DMD: variants seen among roughly 807,000 people sequenced by gnomAD.
DMD encodes the protein dystrophin.
In DMD, 63 loss-of-function variants were observed where a neutral mutation model predicts 330.1. The ratio of observed to expected loss-of-function variants is 0.19; its 90% CI spans 0.16 to 0.24. The LOEUF (loss-of-function observed/expected upper bound fraction) is 0.24, where lower values mean the gene tolerates loss of function less well. Ranked by LOEUF, DMD falls within the 10% of genes least tolerant of loss-of-function variation. The pLI, the probability that DMD is intolerant of heterozygous loss-of-function variation, is 1.00. For missense variants in DMD, 3,344 were observed against 2,684.1 expected, an observed-to-expected ratio of 1.25 and a Z score of -5.43; for synonymous variants, 1,223 against 959.8, an observed-to-expected ratio of 1.27 and a Z score of -5.07.
intron 44 of DMD, among the ~76,000 whole-genome samples, chrX:32,182,995 G>A (rs765791282): frequency 8.1e-5 from 9 of 110,774 alleles, no homozygotes; most frequent in Non-Finnish European, 1.1e-4. Context: ...ACATATCTTT[G>A]AATCTCTACA....
chrX:32,545,137 T>C (rs144145732), intron 17 of DMD, 22 bp downstream of exon 17: 86 of 1,199,088 alleles, frequency 7.2e-5, no homozygotes, highest in African/African-American at 1.1e-4. Context: ...CATTTGCAGA[T>C]AAAAGCTTAA....
In DMD at chrX:32,741,338, G is replaced by A. The variant is rs186149992; in HGVS notation, c.650-42045C>T. Among the ~76,000 whole-genome samples the A allele has an allele frequency of 4.7e-3, 519 of 111,563 alleles. 2 individuals carry two copies. Among genetic ancestry groups the A allele is most frequent in the African/African-American group, 0.015 (462 of 30,725 alleles). ...CCTAAACATGTACAATTAGCCTCCA[G>A]ATGTTCACACATCTGCAATATATTT... On this transcript the variant is annotated intron_variant, in intron 7 of 78. Coordinates refer to ENST00000357033, the MANE Select transcript of DMD (RefSeq NM_004006.3).
chrX:32,533,681 G>C (rs2047686168), intron 17 of DMD, among the ~76,000 whole-genome samples: 1 of 112,164 alleles, frequency 8.9e-6, no homozygotes, highest in African/African-American at 3.2e-5. Flanking sequence ...TTAGATATTA[G>C]TTGAGTGAAT....
In DMD at chrX:31,456,578, G is replaced by A. The variant is rs775285551; in HGVS notation, c.8938-11951C>T. 9.8e-5 allele frequency among the ~76,000 whole-genome samples: 11 copies of A among 111,780 alleles called. No homozygotes were observed. In the Admixed American group the frequency reaches 1.0e-3, roughly 11 times the overall value. On this transcript the variant is annotated intron_variant, in intron 59 of 78. Transcript: ENST00000357033. ...AACTTGAACAAAGGGTAAGAGGTAGGAAAGTTTAATGTGTGTCTGAGGAAA... is the reference window on the plus strand; with the variant it reads ...AACTTGAACAAAGGGTAAGAGGTAGAAAAGTTTAATGTGTGTCTGAGGAAA...
chrX:31,322,330 A>G (rs930377789), intron 62 of DMD, among the ~76,000 whole-genome samples: 1 of 112,039 alleles, frequency 8.9e-6, no homozygotes, highest in Non-Finnish European at 1.9e-5. Context: ...GTGCATGTCT[A>G]CAGCAATATA....
At chrX:32,857,856 C>T (rs773329283) in intron 2 of DMD, among the ~76,000 whole-genome samples, 1 of 111,205 alleles carries the variant, frequency 9.0e-6, no homozygotes, top group Non-Finnish European at 1.9e-5. Flanking sequence ...CAGAATCTTG[C>T]TTTGTGGGCC....
At chrX:31,998,227 A>T (rs2095602747) in intron 44 of DMD, among the ~76,000 whole-genome samples, 1 of 112,295 alleles carries the variant, frequency 8.9e-6, no homozygotes, top group South Asian at 3.6e-4. Context: ...CACAAAAACT[A>T]TCAGTTCCTT....
intron 1 of DMD, among the ~76,000 whole-genome samples, chrX:33,225,130 T>C (rs2052262745): frequency 9.0e-6 from 1 of 111,504 alleles, no homozygotes; most frequent in South Asian, 3.8e-4. Context: ...ACCCAAACTG[T>C]TACACAGTTT....
intron 51 of DMD, among the ~76,000 whole-genome samples, chrX:31,759,781 T>C (rs890013766): frequency 8.9e-6 from 1 of 112,043 alleles, no homozygotes; most frequent in Non-Finnish European, 1.9e-5. Context: ...GAATGGCTGC[T>C]TGGACCCTGG....
intron 18 of DMD, among the ~76,000 whole-genome samples, chrX:32,514,022 C>A (rs2045599719): frequency 9.0e-6 from 1 of 111,211 alleles, no homozygotes; most frequent in South Asian, 3.8e-4. Flanking sequence ...TATTCACATG[C>A]ATGTTTATAG....
chrX:32,583,651 T>C (rs1225949486), intron 13 of DMD: 1 of 111,660 alleles, frequency 9.0e-6, no homozygotes, highest in Non-Finnish European at 1.9e-5. Context: ...TTCTAATATT[T>C]TCGTCAAAGA....
At chrX:31,343,282 C>A (rs2057868988) in intron 61 of DMD, among the ~76,000 whole-genome samples, 2 of 110,641 alleles carry the variant, frequency 1.8e-5, no homozygotes, top group Admixed American at 1.9e-4. Flanking sequence ...TGAAGTCACA[C>A]TATTAGAATT....
At chrX:32,707,611 C>G (rs1308720773) in intron 7 of DMD, among the ~76,000 whole-genome samples, 1 of 112,079 alleles carries the variant, frequency 8.9e-6, no homozygotes, top group Non-Finnish European at 1.9e-5. Context: ...TTTCCAAATG[C>G]AGGAAATTTT....
chrX:32,352,025 G>A (rs750593690), intron 37 of DMD, among the ~76,000 whole-genome samples: 4 of 111,145 alleles, frequency 3.6e-5, no homozygotes, highest in Non-Finnish European at 7.6e-5. Context: ...AAGAATTTGA[G>A]TAGTTTTATT....
At chrX:31,881,610 T>C (rs914564027) in intron 47 of DMD, among the ~76,000 whole-genome samples, 1 of 111,685 alleles carries the variant, frequency 9.0e-6, no homozygotes, top group Non-Finnish European at 1.9e-5. Flanking sequence ...TTTTTTATCA[T>C]TTGTATACTG....
intron 21 of DMD, among the ~76,000 whole-genome samples, chrX:32,472,774 T>G (rs1309257793): frequency 9.0e-6 from 1 of 111,239 alleles, no homozygotes; most frequent in Admixed American, 9.6e-5. Flanking sequence ...AATTATATCA[T>G]GTCATGTCTA....
At chrX:32,853,338 C>T (rs2081282558) in intron 2 of DMD, among the ~76,000 whole-genome samples, 1 of 112,095 alleles carries the variant, frequency 8.9e-6, no homozygotes, top group Non-Finnish European at 1.9e-5. Flanking sequence ...ATGAACTACT[C>T]ATATCTTGAA....
intron 52 of DMD, among the ~76,000 whole-genome samples, chrX:31,710,910 C>A (rs2084581431): frequency 1.8e-5 from 2 of 110,944 alleles, no homozygotes; most frequent in South Asian, 7.5e-4. Context: ...TAAAAATAAT[C>A]ATTAACCTGA....
intron 19 of DMD, among the ~76,000 whole-genome samples, chrX:32,498,494 A>G (rs2043722835): frequency 9.1e-6 from 1 of 110,430 alleles, no homozygotes; most frequent in Non-Finnish European, 1.9e-5. Context: ...TTCTACTCTG[A>G]CCAAAAGAAC....
Sources: allele counts gnomAD v4.1 joint callset (sites outside exome capture counted in the v4.1 genomes callset), GRCh38; gene constraint gnomAD v4.1.1; transcripts MANE v1.5; gene names NCBI Gene and HGNC (gene_info 2026-07-23, HGNC 2026-07-21).